PVT1: variants seen among roughly 807,000 people sequenced by gnomAD.
PVT1 encodes the protein Pvt1 oncogene, also known as CXCR4/PVT1 fusion.
intron 2 of PVT1, among the ~76,000 whole-genome samples, chr8:127,833,029 C>T (rs1814870559): frequency 6.6e-6 from 1 of 152,136 alleles, no homozygotes; most frequent in Non-Finnish European, 1.5e-5. Flanking sequence ...GGAATCTCCC[C>T]CCACCTCCCC....
intron 2 of PVT1, among the ~76,000 whole-genome samples, chr8:127,853,869 A>G (rs12545991): frequency 0.042 from 6,414 of 151,092 alleles, 165 homozygotes; most frequent in African/African-American, 0.056. Context: ...TTTTAAGTCT[A>G]CGAGCATCTT....
rs144069589 is a variant in PVT1 at position 128,046,126 on chromosome 8, G to C, written n.913-24034G>C. On this transcript the variant is annotated intron_variant and non_coding_transcript_variant, in intron 4 of 10. Transcript: ENST00000651587. ...TGTTAGCTCGAACCTTCTCACTCTT[G>C]CTCAGATTCATAGCTGCTCACCTTT... 1.3e-3 allele frequency among the ~76,000 whole-genome samples: 192 copies of C among 152,286 alleles called. 4 individuals are homozygous for C. In the East Asian group the frequency reaches 0.033, roughly 26 times the overall value.
At chr8:127,844,981 G>A (rs1209164746) in intron 2 of PVT1, among the ~76,000 whole-genome samples, 2 of 152,156 alleles carry the variant, frequency 1.3e-5, no homozygotes, top group African/African-American at 4.8e-5. Flanking sequence ...CCAAAGTGCT[G>A]GGATTACAGG....
At chr8:127,838,262 G>A (rs1303083481) in intron 2 of PVT1, among the ~76,000 whole-genome samples, 1 of 152,080 alleles carries the variant, frequency 6.6e-6, no homozygotes, top group Non-Finnish European at 1.5e-5. Context: ...ATCACAATTT[G>A]CTGCAGAGTG....
chr8:128,000,902 C>G (rs1318006453), intron 4 of PVT1, among the ~76,000 whole-genome samples: 1 of 152,246 alleles, frequency 6.6e-6, no homozygotes, highest in Non-Finnish European at 1.5e-5. Context: ...CATGCAGCTG[C>G]TGCTTCTCCC....
chr8:127,951,190 C>A (rs1816501606), intron 3 of PVT1, among the ~76,000 whole-genome samples: 1 of 152,198 alleles, frequency 6.6e-6, no homozygotes, highest in South Asian at 2.1e-4. Context: ...GCCACCATAC[C>A]CTGTGCCCCT....
chr8:127,892,742 A>G (rs903982109), intron 3 of PVT1, among the ~76,000 whole-genome samples: 1 of 152,096 alleles, frequency 6.6e-6, no homozygotes, highest in Non-Finnish European at 1.5e-5. Flanking sequence ...GACTGTGGTC[A>G]CGTAGGGGCA....
At chr8:127,960,774 A>G (rs922616744) in intron 3 of PVT1, 2 of 428,294 alleles carry the variant, frequency 4.7e-6, no homozygotes, top group East Asian at 6.6e-5. Context: ...TATTGTTTCA[A>G]TTTCCTGGAC....
chr8:128,088,055 A>G lies in PVT1; in HGVS notation n.1115-8463A>G, dbSNP rs1270759962. Among the ~76,000 whole-genome samples the G allele has an allele frequency of 2.0e-5, 3 of 152,174 alleles. No individual in the cohort carries two copies. In the East Asian group the frequency reaches 5.8e-4, roughly 29 times the overall value. On this transcript the variant is annotated intron_variant and non_coding_transcript_variant, in intron 5 of 10. Coordinates refer to ENST00000651587, the Ensembl canonical transcript of PVT1. The stretch of plus-strand genomic sequence containing the variant: ...ATTACAGGTGTAAGCCACCGTGCCC[A>G]GCCGCTACTTGTTTTTTTTCCCTCA...
intron 4 of PVT1, among the ~76,000 whole-genome samples, chr8:128,002,286 A>G (rs1817189110): frequency 6.6e-6 from 1 of 152,074 alleles, no homozygotes; most frequent in Non-Finnish European, 1.5e-5. Context: ...GGGCATGATC[A>G]TTGTGATGAG....
At chr8:127,946,715 A>T (rs2129917616) in intron 3 of PVT1, 1 of 154,430 alleles carries the variant, frequency 6.5e-6, no homozygotes, top group Admixed American at 6.5e-5. Flanking sequence ...GAGCTTGTGC[A>T]CAGGGGCCAA....
At position 128,044,018 on chromosome 8, in the gene PVT1, T is replaced by A. The variant is rs866785588; in HGVS notation, n.913-26142T>A. ...ATTTTTTTATTATTATTTATTTATT[T>A]TTTTTTTTTTTTGTAGAGAAGGGGT... is the stretch of plus-strand genomic sequence containing the variant. On this transcript the variant is annotated intron_variant and non_coding_transcript_variant, in intron 4 of 10. Coordinates refer to ENST00000651587, the Ensembl canonical transcript of PVT1. 2.0e-3 allele frequency among the ~76,000 whole-genome samples: 261 copies of A among 131,552 alleles called. 3 individuals carry two copies. The highest frequency in any genetic ancestry group is 5.4e-3 in the South Asian group (23 of 4,246). The allele number at this position is 131,552 out of a possible 152,430, so 86.3% of individuals were successfully genotyped here. A position where few individuals can be genotyped will look rare whatever the true frequency, so the allele number is the denominator to read the frequency against.
At chr8:127,827,722 C>T (rs752579920) in intron 2 of PVT1, among the ~76,000 whole-genome samples, 4 of 152,106 alleles carry the variant, frequency 2.6e-5, no homozygotes, top group Non-Finnish European at 5.9e-5. Flanking sequence ...CTGGCAAATA[C>T]GATGGATTCC....
chr8:128,055,926 G>A (rs1813757285), intron 4 of PVT1, among the ~76,000 whole-genome samples: 1 of 152,166 alleles, frequency 6.6e-6, no homozygotes, highest in Admixed American at 6.5e-5. Flanking sequence ...TCAAGACAGG[G>A]AAACCAACTC....
chr8:128,050,537 C>T lies in PVT1; in HGVS notation n.913-19623C>T, dbSNP rs573428276. ...TTTAAACACTACTTGCTTTCCTTGA[C>T]GTCTGTGCTTTGATCCCATTGTTTT... On this transcript the variant is annotated intron_variant and non_coding_transcript_variant, in intron 4 of 10. Transcript: ENST00000651587. Among the ~76,000 whole-genome samples the T allele has an allele frequency of 6.6e-5, 10 of 152,304 alleles. No individual in the cohort carries two copies. The South Asian group carries it at 8.3e-4, about 13-fold the overall frequency.
chr8:128,026,424 T>C lies in PVT1; in HGVS notation n.912+37133T>C, dbSNP rs113234417. Reference sequence around the variant, plus strand: ...TGTTTGGGCTCTCATTTAATCTCTCTGACAACCTTTTGCAGCAGGTGTTAT... The same window carrying C: ...TGTTTGGGCTCTCATTTAATCTCTCCGACAACCTTTTGCAGCAGGTGTTAT... On this transcript the variant is annotated intron_variant and non_coding_transcript_variant, in intron 4 of 10. Coordinates refer to ENST00000651587, the Ensembl canonical transcript of PVT1. Among the ~76,000 whole-genome samples, 683 of 152,324 alleles carry C rather than the reference T, an allele frequency of 4.5e-3. 3 individuals are homozygous for C. The highest frequency in any genetic ancestry group is 5.4e-3 in the Non-Finnish European group (364 of 68,018).
At chr8:128,079,126 A>G (rs923546777) in intron 5 of PVT1, among the ~76,000 whole-genome samples, 1 of 150,534 alleles carries the variant, frequency 6.6e-6, no homozygotes, top group Non-Finnish European at 1.5e-5. Context: ...CCATTTTGAA[A>G]TTTGCTTTTA....
At chr8:127,959,791 G>T (rs945841726) in intron 3 of PVT1, among the ~76,000 whole-genome samples, 2 of 152,100 alleles carry the variant, frequency 1.3e-5, no homozygotes, top group Admixed American at 6.6e-5. Context: ...GCAGAAGGGG[G>T]TTGGGACCTA....
At chr8:127,929,590 C>A (rs1331507062) in intron 3 of PVT1, among the ~76,000 whole-genome samples, 2 of 151,974 alleles carry the variant, frequency 1.3e-5, no homozygotes, top group East Asian at 1.9e-4. Flanking sequence ...CACGGTGAAA[C>A]CCCGTCTCTA....
Sources: gnomAD v4.1 joint callset for allele counts (sites outside exome capture counted in the v4.1 genomes callset) on GRCh38, gnomAD v4.1.1 for gene constraint, MANE v1.5 for transcripts, NCBI Gene and HGNC (gene_info 2026-07-23, HGNC 2026-07-21) for gene names.